A2ML1: variants seen among roughly 807,000 people sequenced by gnomAD.
The protein encoded by A2ML1 is alpha-2-macroglobulin like 1, also known as alpha-2-macroglobulin-like protein 1.
A neutral mutation model predicts 181.9 loss-of-function variants in A2ML1; 161 were observed. That is an observed-to-expected ratio of 0.89 (90% CI 0.78 to 1.01). A2ML1 has a LOEUF of 1.01. A2ML1 is among the 50% of genes least tolerant of loss of function. A2ML1 has a pLI of 0.00. For missense variants in A2ML1, 1,670 were observed against 1,768.1 expected (o/e 0.94, Z 1.00); for synonymous variants, 663 against 666.8 (o/e 0.99, Z 0.09).
intron 12 of A2ML1, among the ~76,000 whole-genome samples, chr12:8,844,780 C>G (rs1025195422): frequency 3.9e-5 from 6 of 152,086 alleles, no homozygotes; most frequent in Non-Finnish European, 8.8e-5. Context: ...AAAGCGGGCT[C>G]TGTCTTCAGG....
rs1322808424 is a variant in A2ML1 at position 8,838,395 on chromosome 12, A to T, written c.915A>T (p.Gly305=). Residue 305 remains glycine (G), a synonymous_variant, in exon 9 of 36, where the codon GGA becomes GGT. Transcript: ENST00000299698. ...PVDMATFDLI[G]YAYSHQINIV... is the part of the protein sequence containing the mutation. Reference sequence around the variant, plus strand: ...ACATGGCCACCTTTGACCTCATTGGATATGCGTACAGCCATCAAATCAATA... The same window carrying T: ...ACATGGCCACCTTTGACCTCATTGGTTATGCGTACAGCCATCAAATCAATA... 1 of 1,613,912 alleles carries T rather than the reference A, an allele frequency of 6.2e-7. No individual in the cohort carries two copies. Among genetic ancestry groups the T allele is most frequent in the Admixed American group, 1.7e-5 (1 of 60,002 alleles).
intron 26 of A2ML1, among the ~76,000 whole-genome samples, chr12:8,859,247 T>C (rs1219892419): frequency 6.6e-6 from 1 of 152,024 alleles, no homozygotes; most frequent in East Asian, 1.9e-4. Context: ...TCTAGAGAGA[T>C]CACTTACATT....
chr12:8,865,503 C>A (rs1053770081), intron 29 of A2ML1, among the ~76,000 whole-genome samples: 2 of 152,244 alleles, frequency 1.3e-5, no homozygotes, highest in Non-Finnish European at 2.9e-5. Context: ...GGCGCCATTG[C>A]ACTCCAGCCT....
chr12:8,864,006 C>T lies in A2ML1; in HGVS notation c.3715C>T (p.Gln1239Ter). The change falls in exon 29 of 36, where the codon CAG becomes TAG. Residue 1239 changes from glutamine (Q) to a stop codon, truncating the protein, a stop_gained and splice_region_variant. Coordinates refer to ENST00000299698, the MANE Select transcript of A2ML1 (RefSeq NM_144670.6). LOFTEE classifies it high-confidence loss of function. ...HNAYGGFSST[Q>*]DTVVALQALA... ...TGCATATGGGGGCTTCTCTTCTACT[C>T]AGGTAAACAGCCTGTTCTCCCACTG... 2 of 1,611,114 alleles carry T rather than the reference C, an allele frequency of 1.2e-6. No individual in the cohort carries two copies. The highest frequency in any genetic ancestry group is 1.1e-5 in the South Asian group (1 of 90,730).
chr12:8,838,589 G>A, intron 9 of A2ML1, 139 bp downstream of exon 9: 1 of 590,210 alleles, frequency 1.7e-6, no homozygotes. Flanking sequence ...TAGTCAAGGG[G>A]AAATACCAGA....
At chr12:8,833,590 T>C (rs139370248) in intron 4 of A2ML1, among the ~76,000 whole-genome samples, 3,073 of 152,024 alleles carry the variant, frequency 0.02, 103 homozygotes, top group African/African-American at 0.068. Context: ...AGAGAGGGGT[T>C]TCACCATGTT....
At chr12:8,836,839 G>A (rs1267640433) in intron 7 of A2ML1, among the ~76,000 whole-genome samples, 1 of 151,928 alleles carries the variant, frequency 6.6e-6, no homozygotes, top group African/African-American at 2.4e-5. Flanking sequence ...CACTCAGATA[G>A]TATTATTGAT....
intron 12 of A2ML1, 101 bp downstream of exon 12, chr12:8,843,462 C>A: frequency 1.9e-6 from 2 of 1,037,348 alleles, no homozygotes; most frequent in Non-Finnish European, 1.4e-6. Context: ...ATTGCAGATG[C>A]ACATCTAATT....
At chr12:8,854,894 TC>T in intron 22 of A2ML1, 63 bp downstream of exon 22, 1 of 1,465,478 alleles carries the variant, frequency 6.8e-7, no homozygotes. Flanking sequence ...GATTTTCTTT[TC>T]ATTTTTTTTT....
chr12:8,830,208 C>A (rs971605847), intron 4 of A2ML1, among the ~76,000 whole-genome samples: 1 of 151,964 alleles, frequency 6.6e-6, no homozygotes, highest in African/African-American at 2.4e-5. Context: ...CGCACCATCA[C>A]GCCTGGCTAA....
intron 9 of A2ML1, 27 bp from the exon 10 acceptor site, chr12:8,839,084 ATC>A: frequency 6.7e-7 from 1 of 1,489,528 alleles, no homozygotes; most frequent in East Asian, 2.3e-5. Context: ...AGGTGCCTAG[ATC>A]TTTATACATC....
At chr12:8,871,755 T>C (rs1336848475) in intron 33 of A2ML1, among the ~76,000 whole-genome samples, 1 of 152,182 alleles carries the variant, frequency 6.6e-6, no homozygotes, top group Non-Finnish European at 1.5e-5. Context: ...CATACTATCC[T>C]TTCCCCATTA....
chr12:8,871,830 A>G (rs762623704), intron 33 of A2ML1, among the ~76,000 whole-genome samples: 1 of 151,124 alleles, frequency 6.6e-6, no homozygotes, highest in Non-Finnish European at 1.5e-5. Context: ...CCCCACCGCC[A>G]CACACACACA....
rs186051138 is a variant in A2ML1 at position 8,861,021 on chromosome 12, C to T, written c.3339+66C>T. On this transcript the variant is annotated intron_variant, in intron 27 of 35. Coordinates refer to ENST00000299698, the MANE Select transcript of A2ML1 (RefSeq NM_144670.6). ...ATGCGTATTCCTAGAGACATTCACCCATCTTTGTCTCTAGTCACCCTTTTA... is the reference window on the plus strand; with the variant it reads ...ATGCGTATTCCTAGAGACATTCACCTATCTTTGTCTCTAGTCACCCTTTTA... 3.2e-5 allele frequency: 52 copies of T among 1,603,686 alleles called. No homozygotes were observed. The South Asian group carries it at 4.0e-4, about 12-fold the overall frequency.
intron 10 of A2ML1, 95 bp downstream of exon 10, chr12:8,839,317 T>G (rs1943389918): frequency 1.3e-6 from 1 of 765,146 alleles, no homozygotes; most frequent in Non-Finnish European, 2.2e-6. Context: ...AACTTAGTGC[T>G]GTTCCAAGTA....
At chr12:8,845,889 T>TAAAATA (rs1555111328) in intron 13 of A2ML1, among the ~76,000 whole-genome samples, 188 bp from the exon 14 acceptor site, 3 of 102,012 alleles carry the variant, frequency 2.9e-5, no homozygotes, top group East Asian at 1.9e-4. Context: ...TAAAATAAAA[T>TAAAATA]AAAAAAATTC....
At chr12:8,867,602 G>A (rs1265194487) in intron 29 of A2ML1, among the ~76,000 whole-genome samples, 9 of 151,824 alleles carry the variant, frequency 5.9e-5, no homozygotes, top group South Asian at 2.1e-4. Context: ...AGCTGAGATC[G>A]TGCCATTGCA....
chr12:8,870,556 C>T (rs180900663), intron 33 of A2ML1, among the ~76,000 whole-genome samples: 103 of 152,280 alleles, frequency 6.8e-4, no homozygotes, highest in Admixed American at 1.4e-3. Context: ...CGTAAGCCAC[C>T]GCACCCAGCC....
chr12:8,871,870 A>G (rs1944634596), intron 33 of A2ML1, among the ~76,000 whole-genome samples: 1 of 151,570 alleles, frequency 6.6e-6, no homozygotes, highest in Non-Finnish European at 1.5e-5. Context: ...CTTGGGTGCC[A>G]TTTAGTCAGA....
Sources: gnomAD v4.1 joint callset for allele counts (sites outside exome capture counted in the v4.1 genomes callset) on GRCh38, gnomAD v4.1.1 for gene constraint, MANE v1.5 for transcripts, NCBI Gene and HGNC (gene_info 2026-07-23, HGNC 2026-07-21) for gene names.